Variants in RDX observed in about 807,000 individuals in gnomAD.
RDX encodes the protein radixin, also known as deafness, autosomal recessive 24.
Under a neutral mutation model 83.7 loss-of-function variants are expected in RDX, and 32 were observed. The observed-to-expected ratio is 0.38, with a 90% CI of 0.29 to 0.51. RDX has a LOEUF of 0.51. RDX is among the 20% of genes least tolerant of loss of function. The pLI is 0.87. For missense variants in RDX, 600 were observed against 689.9 expected (o/e 0.87, Z 1.46); for synonymous variants, 229 against 222.7 (o/e 1.03, Z -0.25).
At chr11:110,288,358 T>C (rs530087220) in intron 1 of RDX, 2 of 152,304 alleles carry the variant, frequency 1.3e-5, no homozygotes, top group Middle Eastern at 3.4e-3. Flanking sequence ...AACAAAATAA[T>C]ACACTATCAT....
At chr11:110,244,827 A>G (rs566456913) in intron 10 of RDX, among the ~76,000 whole-genome samples, 1 of 152,334 alleles carries the variant, frequency 6.6e-6, no homozygotes, top group South Asian at 2.1e-4. Context: ...AAGTTATAAG[A>G]AAAAGAGAAA....
Position 110,254,028 on chromosome 11 carries a change from G to A in RDX, c.877C>T (p.Arg293Ter), listed in dbSNP as rs2134354472. 2 of 1,613,440 alleles carry A rather than the reference G, an allele frequency of 1.2e-6. No homozygotes were observed. The highest frequency in any genetic ancestry group is 1.7e-6 in the Non-Finnish European group (2 of 1,179,714). The change falls in exon 9 of 14, where the codon CGA becomes TGA. Residue 293 changes from arginine (R) to a stop codon, truncating the protein, a stop_gained. Transcript: ENST00000645495. LOFTEE classifies it high-confidence loss of function. ...TCAATAGTATCAGGCTTCCTTCTTC[G>A]CATGTATAGTTCATGGTTTCCCATA... Reference protein sequence around the residue: ...LCMGNHELYMRRRKPDTIEVQ... With the variant: ...LCMGNHELYM
intron 2 of RDX, 78 bp downstream of exon 2, chr11:110,279,603 A>C: frequency 1.0e-6 from 1 of 970,644 alleles, no homozygotes; most frequent in Non-Finnish European, 1.7e-6. Context: ...CTCTACCAAC[A>C]TTCTTTGTCT....
chr11:110,227,632 T>C (rs1864476312), downstream of RDX, among the ~76,000 whole-genome samples: 1 of 150,590 alleles, frequency 6.6e-6, no homozygotes, highest in South Asian at 2.1e-4. Flanking sequence ...GATCTAAGGC[T>C]AAGATAAGTT....
At chr11:110,184,834 A>C (rs137941808) in intron 15 of RDX, among the ~76,000 whole-genome samples, 456 of 152,324 alleles carry the variant, frequency 3.0e-3, no homozygotes, top group Non-Finnish European at 5.1e-3. Context: ...GAACCTGCTG[A>C]ATGATGTCAA....
chr11:110,233,293 C>A lies in RDX; in HGVS notation c.1531G>T (p.Glu511Ter). ...SNEGVMNHRSEEERVTETQKN... is the reference protein window; with the variant it reads ...SNEGVMNHRS ...TGTGTTTCGGTTACACGTTCTTCCT[C>A]GCTTCTATGGTTCATTACCCCTTCA... The change falls in exon 13 of 14, where the codon GAG becomes TAG. Residue 511 changes from glutamate (E) to a stop codon, truncating the protein, a stop_gained. Coordinates refer to ENST00000645495, the MANE Select transcript of RDX (RefSeq NM_002906.4). LOFTEE classifies it high-confidence loss of function. 6.2e-7 allele frequency: 1 copy of A among 1,614,034 alleles called. No individual in the cohort carries two copies. The highest frequency in any genetic ancestry group is 1.1e-5 in the South Asian group (1 of 91,070).
chr11:110,209,278 G>A (rs1427747782), intron 14 of RDX, among the ~76,000 whole-genome samples: 16 of 151,970 alleles, frequency 1.1e-4, no homozygotes, highest in African/African-American at 3.4e-4. Context: ...GCGCTTTTCC[G>A]ACGGGCTTAA....
At chr11:110,258,495 T>C (rs928657827) in intron 5 of RDX, among the ~76,000 whole-genome samples, 2 of 152,192 alleles carry the variant, frequency 1.3e-5, no homozygotes, top group Non-Finnish European at 2.9e-5. Flanking sequence ...CTCTTTTTTT[T>C]ACAACTGCAT....
intron 15 of RDX, among the ~76,000 whole-genome samples, chr11:110,193,261 T>G (rs998738423): frequency 2.0e-5 from 3 of 152,038 alleles, no homozygotes; most frequent in Non-Finnish European, 4.4e-5. Context: ...CAAATTAACA[T>G]AGGAACAGAA....
At chr11:110,186,182 C>T (rs12419087) in intron 15 of RDX, among the ~76,000 whole-genome samples, 6 of 151,928 alleles carry the variant, frequency 3.9e-5, no homozygotes, top group Non-Finnish European at 8.8e-5. Context: ...GCAATTCACG[C>T]GTGAAGAAAA....
chr11:110,248,930 G>A (rs1017724341), intron 9 of RDX, among the ~76,000 whole-genome samples: 1 of 152,138 alleles, frequency 6.6e-6, no homozygotes, highest in Non-Finnish European at 1.5e-5. Context: ...ATGACAGTAG[G>A]TGGCTAATGA....
intron 1 of RDX, among the ~76,000 whole-genome samples, chr11:110,284,855 A>T (rs545010345): frequency 2.4e-4 from 36 of 152,300 alleles, no homozygotes; most frequent in Admixed American, 5.2e-4. Flanking sequence ...ATGTCTGAAT[A>T]CACAGAAAGT....
At chr11:110,217,394 T>C (rs1315798035) in intron 14 of RDX, among the ~76,000 whole-genome samples, 2 of 152,202 alleles carry the variant, frequency 1.3e-5, no homozygotes, top group Non-Finnish European at 2.9e-5. Flanking sequence ...TTGGCTACTA[T>C]GATATTCTGA....
chr11:110,226,545 T>C (rs1269583912), downstream of RDX, among the ~76,000 whole-genome samples: 2 of 152,108 alleles, frequency 1.3e-5, no homozygotes, highest in African/African-American at 4.8e-5. Context: ...ATCCTGGAGA[T>C]GGATGGTGGT....
intron 15 of RDX, among the ~76,000 whole-genome samples, chr11:110,183,463 G>A (rs1418448597): frequency 6.6e-6 from 1 of 152,170 alleles, no homozygotes; most frequent in African/African-American, 2.4e-5. Context: ...AAATAGCTGG[G>A]ACTACAGGTA....
intron 2 of RDX, among the ~76,000 whole-genome samples, chr11:110,279,134 A>AT (rs1860645617): frequency 6.6e-6 from 1 of 152,176 alleles, no homozygotes; most frequent in South Asian, 2.1e-4. Context: ...TGGGCACTAA[A>AT]TATATATCAG....
chr11:110,257,771 C>T lies in RDX; in HGVS notation c.694G>A (p.Asp232Asn), dbSNP rs752091940. The change falls in exon 7 of 14, where the codon GAC becomes AAC. Residue 232 changes from aspartate to asparagine, a missense_variant. Physicochemically the swap from Asp to Asn is conservative, Grantham distance 23 (BLOSUM62 1). Coordinates refer to ENST00000645495, the MANE Select transcript of RDX (RefSeq NM_002906.4). ...ALGLNIYEHD[D>N]KLTPKIGFPW... ...CTATGCAACTAATTTACTTACTTGT[C>T]GTCATGCTCATAAATATTCAGACCC... is the stretch of plus-strand genomic sequence containing the variant. 34 of 1,611,480 alleles carry T rather than the reference C, an allele frequency of 2.1e-5. No homozygotes were observed. Among genetic ancestry groups the T allele is most frequent in the Non-Finnish European group, 2.7e-5 (32 of 1,179,590 alleles).
At chr11:110,275,909 C>T (rs755824931) in intron 2 of RDX, among the ~76,000 whole-genome samples, 1 of 151,710 alleles carries the variant, frequency 6.6e-6, no homozygotes, top group Non-Finnish European at 1.5e-5. Context: ...CACAGCCTCC[C>T]AAGTAGCTGG....
chr11:110,199,104 C>T (rs1197896933), intron 15 of RDX, among the ~76,000 whole-genome samples: 3 of 152,032 alleles, frequency 2.0e-5, no homozygotes, highest in African/African-American at 4.8e-5. Context: ...CATGAGCTAC[C>T]GCACCAGGCC....
Sources: gnomAD v4.1 joint callset for allele counts (sites outside exome capture counted in the v4.1 genomes callset) on GRCh38, gnomAD v4.1.1 for gene constraint, MANE v1.5 for transcripts, NCBI Gene and HGNC (gene_info 2026-07-23, HGNC 2026-07-21) for gene names.